The following TMEM163 variants were observed in gnomAD, a reference collection of about 807,000 sequenced individuals.
The protein encoded by TMEM163 is transmembrane protein 163.
A neutral mutation model predicts 29.3 loss-of-function variants in TMEM163; 17 were observed. The observed-to-expected ratio is 0.58, with a 90% CI of 0.40 to 0.87. The LOEUF is 0.87. Ranked by LOEUF, TMEM163 falls within the 40% of genes least tolerant of loss-of-function variation. The probability of loss-of-function intolerance (pLI) is 0.00; values close to 1 mark genes in which losing one functional copy is unlikely to be tolerated. For missense variants in TMEM163, 303 were observed against 381.5 expected, an observed-to-expected ratio of 0.79 and a Z score of 1.71; for synonymous variants, 157 against 160.6, an observed-to-expected ratio of 0.98 and a Z score of 0.17.
rs186992115 is a variant in TMEM163 at position 134,673,832 on chromosome 2, G to T, written c.322+39368C>A. Among the ~76,000 whole-genome samples the T allele has an allele frequency of 7.9e-5, 12 of 152,338 alleles. No individual in the cohort carries two copies. The East Asian group carries it at 1.7e-3, about 22-fold the overall frequency. On this transcript the variant is annotated intron_variant, in intron 2 of 7. Transcript: ENST00000281924. ...ACCTTAACTTTAGCCTACTGAGGCT[G>T]ATCTTGGACTTCTGTCCTTCAGAAC... is the stretch of plus-strand genomic sequence containing the variant.
intron 2 of TMEM163, among the ~76,000 whole-genome samples, chr2:134,566,593 T>G (rs1257918182): frequency 2.0e-5 from 3 of 151,992 alleles, no homozygotes; most frequent in Non-Finnish European, 4.4e-5. Flanking sequence ...AAATTCTGAG[T>G]GCTGGTGAGG....
intron 2 of TMEM163, among the ~76,000 whole-genome samples, chr2:134,648,208 G>T (rs1683379358): frequency 6.6e-6 from 1 of 152,146 alleles, no homozygotes; most frequent in African/African-American, 2.4e-5. Context: ...TCCCCAGTTG[G>T]ACTCCTCTCT....
At chr2:134,557,161 G>A (rs764851544) in intron 2 of TMEM163, among the ~76,000 whole-genome samples, 2 of 152,250 alleles carry the variant, frequency 1.3e-5, no homozygotes, top group Non-Finnish European at 2.9e-5. Context: ...TCTGGCTAAA[G>A]CCAAAGGAAG....
At chr2:134,522,468 A>ACG (rs1680209511) in intron 4 of TMEM163, among the ~76,000 whole-genome samples, 1 of 152,120 alleles carries the variant, frequency 6.6e-6, no homozygotes, top group Non-Finnish European at 1.5e-5. Flanking sequence ...TGGCACTGAC[A>ACG]GCATCCGAAG....
At chr2:134,660,142 A>C (rs1174138319) in intron 2 of TMEM163, among the ~76,000 whole-genome samples, 1 of 152,096 alleles carries the variant, frequency 6.6e-6, no homozygotes, top group African/African-American at 2.4e-5. Context: ...GTGGGGAGGT[A>C]GGTGGGGGGC....
At chr2:134,696,011 A>G (rs977589466) in intron 2 of TMEM163, among the ~76,000 whole-genome samples, 7 of 150,750 alleles carry the variant, frequency 4.6e-5, no homozygotes, top group Non-Finnish European at 1.0e-4. Flanking sequence ...AGATCATGCC[A>G]TTGCACTCCA....
At chr2:134,594,127 C>G (rs1408922478) in intron 2 of TMEM163, among the ~76,000 whole-genome samples, 2 of 152,128 alleles carry the variant, frequency 1.3e-5, no homozygotes, top group African/African-American at 4.8e-5. Flanking sequence ...CCTTACCCAG[C>G]AGCAGAAAAC....
chr2:134,638,133 G>A (rs1158532179), intron 2 of TMEM163, among the ~76,000 whole-genome samples: 1 of 152,134 alleles, frequency 6.6e-6, no homozygotes, highest in South Asian at 2.1e-4. Flanking sequence ...ATTTACCAAT[G>A]TACTTTGGAA....
chr2:134,649,092 C>T (rs1316704028), intron 2 of TMEM163, among the ~76,000 whole-genome samples: 3 of 152,080 alleles, frequency 2.0e-5, no homozygotes, highest in African/African-American at 7.2e-5. Flanking sequence ...TTGAGTCCAT[C>T]AAAGTAAATA....
At chr2:134,457,880 C>T in intron 7 of TMEM163, 152 bp downstream of exon 7, 4 of 1,293,550 alleles carry the variant, frequency 3.1e-6, no homozygotes, top group Non-Finnish European at 2.1e-6. Context: ...CTGCTGGGTG[C>T]TTTTCCAGTC....
intron 2 of TMEM163, among the ~76,000 whole-genome samples, chr2:134,709,657 C>T (rs1200225559): frequency 6.7e-6 from 1 of 150,148 alleles, no homozygotes; most frequent in East Asian, 2.2e-4. Flanking sequence ...GCTCCCCAGT[C>T]ATCTGAATGG....
chr2:134,545,301 T>G (rs1456738731), intron 4 of TMEM163, among the ~76,000 whole-genome samples: 1 of 152,116 alleles, frequency 6.6e-6, no homozygotes. Context: ...ACTCTCATCC[T>G]ACCCTCCCAG....
In TMEM163 at chr2:134,502,918, T is replaced by TTACC; in HGVS notation, c.537_538insGGTA (p.Arg180GlyfsTer39). On this transcript the variant is annotated frameshift_variant, in exon 5 of 8. Transcript: ENST00000281924. LOFTEE classifies it high-confidence loss of function. ...GACCTTACCACTTCTGGGAGCAGCC[T>TTACC]AGTTGAGAGGTCATGGATGGCTTTG... 3 of 1,614,056 alleles carry TTACC rather than the reference T, an allele frequency of 1.9e-6. No homozygotes were observed. In the South Asian group the frequency reaches 3.3e-5, roughly 18 times the overall value.
intron 2 of TMEM163, among the ~76,000 whole-genome samples, chr2:134,704,406 G>A (rs756408525): frequency 4.6e-5 from 7 of 152,020 alleles, no homozygotes; most frequent in African/African-American, 1.5e-4. Flanking sequence ...ATGTCCCTGC[G>A]GCAGCCCACA....
intron 2 of TMEM163, among the ~76,000 whole-genome samples, chr2:134,576,382 G>C (rs1390887463): frequency 6.6e-6 from 1 of 152,126 alleles, no homozygotes; most frequent in African/African-American, 2.4e-5. Context: ...GCCACACCTG[G>C]GGGAAAACTG....
chr2:134,564,065 TGGCAGGGTG>T (rs1373336657), intron 2 of TMEM163, among the ~76,000 whole-genome samples: 1 of 151,902 alleles, frequency 6.6e-6, no homozygotes, highest in Admixed American at 6.6e-5. Context: ...GCAGTGGCGG[TGGCAGGGTG>T]GGCAGGGAGA....
At chr2:134,620,406 G>A (rs189999744) in intron 2 of TMEM163, among the ~76,000 whole-genome samples, 74 of 152,190 alleles carry the variant, frequency 4.9e-4, no homozygotes, top group South Asian at 1.5e-3. Flanking sequence ...ACAGGCATGC[G>A]CCATGACCCC....
chr2:134,579,298 C>A (rs541133062), intron 2 of TMEM163, among the ~76,000 whole-genome samples: 1 of 152,154 alleles, frequency 6.6e-6, no homozygotes, highest in Admixed American at 6.5e-5. Context: ...TCACGAAGTT[C>A]GTTTGTTTTT....
At chr2:134,568,405 T>C (rs1321698917) in intron 2 of TMEM163, among the ~76,000 whole-genome samples, 1 of 152,044 alleles carries the variant, frequency 6.6e-6, no homozygotes, top group Non-Finnish European at 1.5e-5. Context: ...TGGGTGCCTG[T>C]AATCCCAGCT....
Sources: gnomAD v4.1 joint callset for allele counts (sites outside exome capture counted in the v4.1 genomes callset) on GRCh38, gnomAD v4.1.1 for gene constraint, MANE v1.5 for transcripts, NCBI Gene and HGNC (gene_info 2026-07-23, HGNC 2026-07-21) for gene names.